The following SND1 variants were observed in gnomAD, a reference collection of about 807,000 sequenced individuals.
SND1 encodes the protein staphylococcal nuclease domain-containing protein 1.
A neutral mutation model predicts 121.7 loss-of-function variants in SND1; 38 were observed. That is an observed-to-expected ratio of 0.31 (90% confidence interval 0.24 to 0.41). The LOEUF (loss-of-function observed/expected upper bound fraction) is 0.41. Ranked by LOEUF, SND1 falls within the 10% of genes least tolerant of loss-of-function variation. The pLI is 1.00. For missense variants in SND1, 868 were observed against 1,184.6 expected, an observed-to-expected ratio of 0.73 and a Z score of 3.92; for synonymous variants, 401 against 447.4, an observed-to-expected ratio of 0.90 and a Z score of 1.31.
At chr7:128,033,061 AGAGAAC>A (rs1211024290) in intron 16 of SND1, among the ~76,000 whole-genome samples, 8 of 152,062 alleles carry the variant, frequency 5.3e-5, no homozygotes, top group Non-Finnish European at 1.2e-4. Context: ...CGCTGCCCCC[AGAGAAC>A]TGGGGGAAGG....
At chr7:127,765,326 A>G (rs547407739) in intron 10 of SND1, among the ~76,000 whole-genome samples, 13 of 152,258 alleles carry the variant, frequency 8.5e-5, no homozygotes, top group South Asian at 6.2e-4. Flanking sequence ...GGTTTTGACT[A>G]TTTGTGGTGA....
intron 11 of SND1, among the ~76,000 whole-genome samples, chr7:127,843,623 A>G (rs79821771): frequency 0.053 from 8,121 of 152,188 alleles, 624 homozygotes; most frequent in African/African-American, 0.17. Context: ...ATATACCACA[A>G]TTTATCCATT....
At chr7:127,915,025 A>AT (rs968381596) in intron 14 of SND1, among the ~76,000 whole-genome samples, 9 of 151,100 alleles carry the variant, frequency 6.0e-5, no homozygotes, top group South Asian at 2.1e-4. Context: ...GGTGTTCATT[A>AT]TTTTTTTTTG....
intron 16 of SND1, among the ~76,000 whole-genome samples, chr7:128,045,851 C>T (rs1157373079): frequency 6.6e-6 from 1 of 152,192 alleles, no homozygotes; most frequent in South Asian, 2.1e-4. Context: ...GCATTGCATG[C>T]TCATACACCA....
chr7:127,723,719 C>G (rs1327565863), intron 10 of SND1, among the ~76,000 whole-genome samples: 1 of 152,174 alleles, frequency 6.6e-6, no homozygotes, highest in Non-Finnish European at 1.5e-5. Context: ...AGGAATGGCT[C>G]TCTAGGCCAG....
intron 16 of SND1, among the ~76,000 whole-genome samples, chr7:127,997,056 A>G (rs924756557): frequency 6.6e-6 from 1 of 152,192 alleles, no homozygotes; most frequent in Non-Finnish European, 1.5e-5. Flanking sequence ...TTTCATGCAT[A>G]ATGTTTCATT....
intron 9 of SND1, among the ~76,000 whole-genome samples, chr7:127,708,605 C>T (rs1012434551): frequency 6.6e-6 from 1 of 152,078 alleles, no homozygotes; most frequent in African/African-American, 2.4e-5. Flanking sequence ...GCCCCACCGC[C>T]CCGAGAGTTT....
At chr7:127,656,560 C>T (rs564495264) in intron 1 of SND1, among the ~76,000 whole-genome samples, 21 of 152,144 alleles carry the variant, frequency 1.4e-4, no homozygotes, top group South Asian at 8.3e-4. Flanking sequence ...AGCTGTCTGC[C>T]CACCTCGGCC....
At chr7:127,687,086 A>G in intron 2 of SND1, 1 of 205,870 alleles carries the variant, frequency 4.9e-6, no homozygotes, top group East Asian at 1.2e-4. Context: ...ACCATTGGTT[A>G]TGGCAGAGCT....
At chr7:128,084,242 G>C (rs1365153606) in intron 18 of SND1, among the ~76,000 whole-genome samples, 1 of 152,128 alleles carries the variant, frequency 6.6e-6, no homozygotes, top group African/African-American at 2.4e-5. Flanking sequence ...CCCTACTTTT[G>C]CCCCCTGAAA....
intron 14 of SND1, among the ~76,000 whole-genome samples, chr7:127,916,403 G>A (rs1168195022): frequency 1.3e-5 from 2 of 152,162 alleles, no homozygotes; most frequent in African/African-American, 2.4e-5. Flanking sequence ...TGATGGCAGA[G>A]TAGATTTGCA....
At chr7:127,746,105 G>T (rs1319597279) in intron 10 of SND1, among the ~76,000 whole-genome samples, 1 of 152,194 alleles carries the variant, frequency 6.6e-6, no homozygotes, top group African/African-American at 2.4e-5. Context: ...GATGTGACTT[G>T]TGTGTGTCAG....
intron 14 of SND1, among the ~76,000 whole-genome samples, chr7:127,927,772 C>G (rs565986674): frequency 1.1e-3 from 162 of 152,296 alleles, no homozygotes; most frequent in African/African-American, 3.7e-3. Flanking sequence ...GCTCTGAAAA[C>G]TCTTGAAATA....
chr7:128,081,381 C>T lies in SND1; in HGVS notation c.1990C>T (p.Gln664Ter). ...KEKVWAHYEE[Q>*]PVEEVMPVLE... ...GCAGGTCTGGGCCCACTATGAGGAG[C>T]AGCCCGTGGAGGAGGTGATGCCAGT... The change falls in exon 18 of 24, where the codon CAG becomes TAG. Residue 664 changes from glutamine (Q) to a stop codon, truncating the protein, a stop_gained. Transcript: ENST00000354725. LOFTEE classifies it high-confidence loss of function. 1 of 1,614,168 alleles carries T rather than the reference C, an allele frequency of 6.2e-7. No homozygotes were observed. Among genetic ancestry groups the T allele is most frequent in the Non-Finnish European group, 8.5e-7 (1 of 1,180,028 alleles).
intron 16 of SND1, among the ~76,000 whole-genome samples, chr7:128,071,020 A>G (rs919754239): frequency 1.6e-4 from 25 of 152,150 alleles, no homozygotes; most frequent in African/African-American, 5.8e-4. Flanking sequence ...CCTTCTCACA[A>G]TCTATTTAGC....
chr7:127,927,546 G>A (rs1350428197), intron 14 of SND1, among the ~76,000 whole-genome samples: 2 of 152,310 alleles, frequency 1.3e-5, no homozygotes, highest in Non-Finnish European at 1.5e-5. Context: ...AGGAGAATGT[G>A]TTGCTTAAGT....
intron 15 of SND1, among the ~76,000 whole-genome samples, chr7:127,957,264 G>C (rs926614651): frequency 1.3e-5 from 2 of 152,178 alleles, no homozygotes; most frequent in African/African-American, 4.8e-5. Flanking sequence ...TTTGGAACTA[G>C]GAAAGCAGCC....
At chr7:127,828,571 T>C (rs1319367967) in intron 11 of SND1, among the ~76,000 whole-genome samples, 1 of 152,192 alleles carries the variant, frequency 6.6e-6, no homozygotes, top group African/African-American at 2.4e-5. Flanking sequence ...ATGATGCTTC[T>C]TTTACTGCCT....
chr7:128,039,633 C>T (rs1373206451), intron 16 of SND1, among the ~76,000 whole-genome samples: 1 of 152,156 alleles, frequency 6.6e-6, no homozygotes, highest in Non-Finnish European at 1.5e-5. Context: ...CTCACGGGTT[C>T]TTGGCAGTTG....
Sources: allele counts gnomAD v4.1 joint callset (sites outside exome capture counted in the v4.1 genomes callset), GRCh38; gene constraint gnomAD v4.1.1; transcripts MANE v1.5; gene names NCBI Gene and HGNC (gene_info 2026-07-23, HGNC 2026-07-21).